The following FRAS1 variants were observed in gnomAD, a reference collection of about 807,000 sequenced individuals.
FRAS1 encodes the protein extracellular matrix organizing protein FRAS1.
A neutral mutation model predicts 435.2 loss-of-function variants in FRAS1; 290 were observed. That is an observed-to-expected ratio of 0.67 (90% confidence interval 0.61 to 0.73). FRAS1 has a LOEUF of 0.73. FRAS1 is among the 30% of genes least tolerant of loss of function. FRAS1 has a pLI of 0.00. For synonymous variants in FRAS1, 1,800 were observed against 1,851.0 expected, an observed-to-expected ratio of 0.97 and a Z score of 0.71; for missense variants, 4,860 against 5,001.5, an observed-to-expected ratio of 0.97 and a Z score of 0.85.
intron 67 of FRAS1, among the ~76,000 whole-genome samples, chr4:78,520,643 TATAA>T: frequency 6.6e-6 from 1 of 151,874 alleles, no homozygotes; most frequent in Middle Eastern, 3.4e-3. Flanking sequence ...GCATATGCTA[TATAA>T]ATAGTTGTTA....
At chr4:78,067,852 C>A (rs1335113412) in intron 2 of FRAS1, among the ~76,000 whole-genome samples, 1 of 144,546 alleles carries the variant, frequency 6.9e-6, no homozygotes, top group Non-Finnish European at 1.5e-5. Flanking sequence ...CACCACCACA[C>A]CCAGCCAATT....
At chr4:78,210,027 A>C (rs2866996) in intron 2 of FRAS1, among the ~76,000 whole-genome samples, 50,678 of 151,854 alleles carry the variant, frequency 0.33, 8,667 homozygotes, top group South Asian at 0.53. Context: ...GCCTCTGCTG[A>C]GCTCCTTACC....
intron 10 of FRAS1, 97 bp from the exon 11 acceptor site, chr4:78,281,301 T>A (rs1727318505): frequency 1.3e-6 from 1 of 777,924 alleles, no homozygotes; most frequent in Non-Finnish European, 2.0e-6. Context: ...AGTTGCATGT[T>A]CCTTGGGAAA....
intron 2 of FRAS1, among the ~76,000 whole-genome samples, chr4:78,223,586 A>G (rs1159922996): frequency 1.3e-5 from 2 of 152,158 alleles, no homozygotes; most frequent in Non-Finnish European, 2.9e-5. Context: ...TTGGCTTAGT[A>G]CATGGGAACA....
chr4:78,309,088 C>T (rs930005408), intron 15 of FRAS1, among the ~76,000 whole-genome samples: 9 of 152,076 alleles, frequency 5.9e-5, no homozygotes, highest in Non-Finnish European at 1.3e-4. Context: ...AAAGTAGAAT[C>T]GAGGATGGAC....
chr4:78,521,140 C>T (rs1204181668), intron 67 of FRAS1, among the ~76,000 whole-genome samples: 10 of 152,028 alleles, frequency 6.6e-5, no homozygotes, highest in Admixed American at 5.9e-4. Context: ...CTGTTAAGTC[C>T]GGAAAGGTAT....
At chr4:78,413,981 A>C (rs1034979792) in intron 32 of FRAS1, among the ~76,000 whole-genome samples, 5 of 152,158 alleles carry the variant, frequency 3.3e-5, no homozygotes, top group Non-Finnish European at 7.3e-5. Flanking sequence ...ATGGGTCCAC[A>C]TTTTAGTTAG....
chr4:78,234,276 A>G (rs983970414), intron 2 of FRAS1, among the ~76,000 whole-genome samples: 7 of 151,868 alleles, frequency 4.6e-5, no homozygotes, highest in African/African-American at 1.4e-4. Context: ...CCCAGGCTGG[A>G]GTGCAGTGGC....
intron 2 of FRAS1, among the ~76,000 whole-genome samples, chr4:78,119,457 T>C (rs141900945): frequency 1.6e-3 from 241 of 152,326 alleles, no homozygotes; most frequent in African/African-American, 5.5e-3. Flanking sequence ...GTTCCTGGCT[T>C]ATTTCATTTA....
At chr4:78,452,401 G>A (rs539013726) in intron 47 of FRAS1, 47 bp downstream of exon 47, 25 of 1,466,904 alleles carry the variant, frequency 1.7e-5, no homozygotes, top group Non-Finnish European at 2.2e-5. Flanking sequence ...TTAGACCTTA[G>A]TAAGTATTGA....
intron 47 of FRAS1, among the ~76,000 whole-genome samples, chr4:78,461,825 G>T (rs2109844040): frequency 6.6e-6 from 1 of 152,258 alleles, no homozygotes; most frequent in African/African-American, 2.4e-5. Context: ...TATATATGGG[G>T]CATGCTAAAT....
intron 23 of FRAS1, among the ~76,000 whole-genome samples, 200 bp from the exon 24 acceptor site, chr4:78,372,518 A>G (rs1251848067): frequency 6.6e-6 from 1 of 152,170 alleles, no homozygotes; most frequent in Non-Finnish European, 1.5e-5. Flanking sequence ...TCCGTGTCTA[A>G]CATAATTAGG....
chr4:78,216,652 C>G (rs1189913465), intron 2 of FRAS1, among the ~76,000 whole-genome samples: 8 of 152,164 alleles, frequency 5.3e-5, no homozygotes, highest in Non-Finnish European at 8.8e-5. Context: ...ACTTTTAGGG[C>G]CTTATCTTCC....
intron 69 of FRAS1, among the ~76,000 whole-genome samples, chr4:78,524,948 G>A (rs1721487050): frequency 6.6e-6 from 1 of 152,022 alleles, no homozygotes; most frequent in Non-Finnish European, 1.5e-5. Context: ...GGAGGTGAGG[G>A]AGTTGGCTAT....
At chr4:78,314,871 T>A (rs1451331575) in intron 15 of FRAS1, among the ~76,000 whole-genome samples, 1 of 140,974 alleles carries the variant, frequency 7.1e-6, no homozygotes, top group Non-Finnish European at 1.5e-5. Flanking sequence ...ACCCTCACAT[T>A]TTTTTTTGAA....
intron 58 of FRAS1, among the ~76,000 whole-genome samples, chr4:78,485,312 C>A (rs1720136101): frequency 6.6e-6 from 1 of 152,162 alleles, no homozygotes; most frequent in African/African-American, 2.4e-5. Context: ...CTCTTACCAA[C>A]AAGACTCCAG....
intron 56 of FRAS1, 66 bp downstream of exon 56, chr4:78,479,784 C>G: frequency 7.8e-7 from 1 of 1,276,264 alleles, no homozygotes; most frequent in Non-Finnish European, 1.1e-6. Context: ...CAGTTTTCTC[C>G]TTAGGTTTCA....
At chr4:78,118,641 G>T (rs986156147) in intron 2 of FRAS1, among the ~76,000 whole-genome samples, 3 of 152,182 alleles carry the variant, frequency 2.0e-5, no homozygotes, top group Non-Finnish European at 4.4e-5. Context: ...CAATCTCCTG[G>T]TGTGCCATTT....
intron 9 of FRAS1, among the ~76,000 whole-genome samples, chr4:78,270,115 T>C (rs1381751893): frequency 5.9e-5 from 9 of 152,168 alleles, no homozygotes; most frequent in Admixed American, 5.9e-4. Flanking sequence ...AAAAGTCAAA[T>C]ACTAATTGGA....
Sources: gnomAD v4.1 joint callset for allele counts (sites outside exome capture counted in the v4.1 genomes callset) on GRCh38, gnomAD v4.1.1 for gene constraint, MANE v1.5 for transcripts, NCBI Gene and HGNC (gene_info 2026-07-23, HGNC 2026-07-21) for gene names.